WTAP: variants seen among roughly 807,000 people sequenced by gnomAD.
The protein encoded by WTAP is WT1 associated protein, also known as pre-mRNA-splicing regulator WTAP.
Under a neutral mutation model 50.0 loss-of-function variants are expected in WTAP, and 8 were observed. The ratio of observed to expected loss-of-function variants is 0.16; its 90% CI spans 0.09 to 0.29. WTAP has a LOEUF of 0.29. Among genes scored for constraint, WTAP ranks in the 10% least tolerant of loss-of-function variants. WTAP has a pLI of 1.00. For missense variants in WTAP, 295 were observed against 470.7 expected (o/e 0.63, Z 3.45); for synonymous variants, 194 against 169.0 (o/e 1.15, Z -1.15).
At chr6:159,733,061 G>T (rs1462059806) in intron 1 of WTAP, among the ~76,000 whole-genome samples, 2 of 152,040 alleles carry the variant, frequency 1.3e-5, no homozygotes, top group African/African-American at 4.8e-5. Flanking sequence ...TATGGTGATG[G>T]TTTCTGAGAT....
chr6:159,740,949 G>A (rs1017714017), intron 3 of WTAP, among the ~76,000 whole-genome samples: 6 of 151,938 alleles, frequency 3.9e-5, no homozygotes, highest in African/African-American at 1.2e-4. Flanking sequence ...TGATCTGCCC[G>A]CCTCGGCCTC....
At chr6:159,754,951 CTTTG>C in intron 7 of WTAP, 73 bp from the exon 8 acceptor site, 1 of 1,411,144 alleles carries the variant, frequency 7.1e-7, no homozygotes, top group Non-Finnish European at 9.4e-7. Context: ...GACTCCCTTG[CTTTG>C]TGGCAGGCAC....
chr6:159,748,132 C>A lies in WTAP; in HGVS notation c.274-59C>A. On this transcript the variant is annotated intron_variant, in intron 5 of 7. Transcript: ENST00000621533. This position sits in a 1 kb window ranked among gnomAD's most constrained non-coding sequence, Gnocchi z 5.6. The stretch of plus-strand genomic sequence containing the variant: ...TCAAGTGAATGGAGGGAGTTTTCCC[C>A]ACCTTCTTATGTATGTTTCCTTTGA... 1 of 1,532,344 alleles carries A rather than the reference C, an allele frequency of 6.5e-7. No individual in the cohort carries two copies. The highest frequency in any genetic ancestry group is 8.8e-7 in the Non-Finnish European group (1 of 1,131,364). The allele number at this position is 1,532,344 out of a possible 1,614,324, so 94.9% of individuals were successfully genotyped here. A position where few individuals can be genotyped will look rare whatever the true frequency, so the allele number is the denominator to read the frequency against.
intron 5 of WTAP, among the ~76,000 whole-genome samples, chr6:159,747,879 T>C (rs1583100974): frequency 9.7e-6 from 1 of 103,494 alleles, no homozygotes. Context: ...AATTCCTAAG[T>C]GAGTAACCTT....
At position 159,755,733 on chromosome 6, in the gene WTAP, GTTGT is replaced by G; in HGVS notation, c.*125_*128del. On this transcript the variant is annotated 3_prime_UTR_variant, in exon 8 of 8. Transcript: ENST00000621533. ...TGGGTGTACGTTTTGGTTTTTTTTT[GTTGT>G]TTTTTTTCTTTGTTTTTTTTTTCTT... 6 of 551,022 alleles carry G rather than the reference GTTGT, an allele frequency of 1.1e-5. No homozygotes were observed. The highest frequency in any genetic ancestry group is 1.1e-5 in the Non-Finnish European group (5 of 464,420). The allele number at this position is 551,022 out of a possible 1,614,324, so 34.1% of individuals were successfully genotyped here. A position where few individuals can be genotyped will look rare whatever the true frequency, so the allele number is the denominator to read the frequency against.
upstream of WTAP, chr6:159,726,798 C>A: frequency 7.8e-7 from 1 of 1,289,166 alleles, no homozygotes; most frequent in Non-Finnish European, 1.0e-6. Flanking sequence ...CAGGAGACTG[C>A]GCCTCACGAC....
At chr6:159,731,335 G>A (rs1441865826) in intron 1 of WTAP, among the ~76,000 whole-genome samples, 2 of 151,940 alleles carry the variant, frequency 1.3e-5, no homozygotes, top group African/African-American at 4.8e-5. Context: ...GGGCGTGGTG[G>A]TTCATGCCTG....
intron 5 of WTAP, among the ~76,000 whole-genome samples, chr6:159,746,528 T>C (rs528593394): frequency 6.6e-6 from 1 of 152,302 alleles, no homozygotes; most frequent in Admixed American, 6.5e-5. Context: ...ATTTGATCTT[T>C]TAATAATAAT....
chr6:159,737,634 A>G (rs1779002210), intron 2 of WTAP, among the ~76,000 whole-genome samples: 1 of 151,884 alleles, frequency 6.6e-6, no homozygotes, highest in South Asian at 2.1e-4. Context: ...CTCAGACTAC[A>G]GGTGTGCCAC....
In WTAP at chr6:159,748,503, A is replaced by G. The variant is rs972693243; in HGVS notation, c.452+134A>G. 6.8e-7 allele frequency: 1 copy of G among 1,473,868 alleles called. No individual in the cohort carries two copies. The highest frequency in any genetic ancestry group is 1.4e-5 in the African/African-American group (1 of 69,920). The allele number at this position is 1,473,868 out of a possible 1,614,324, so 91.3% of individuals were successfully genotyped here. A position where few individuals can be genotyped will look rare whatever the true frequency, so the allele number is the denominator to read the frequency against. On this transcript the variant is annotated intron_variant, in intron 6 of 7. Coordinates refer to ENST00000621533, the MANE Select transcript of WTAP (RefSeq NM_001270531.2). This position sits in a 1 kb window ranked among gnomAD's most constrained non-coding sequence, Gnocchi z 5.6. ...AGCCAAAAAAAAGCCACATTCTTAC[A>G]CTGTCCAGCTTGTAATGGTTAATGT...
chr6:159,727,356 A>G (rs1307183512), upstream of WTAP: 5 of 983,660 alleles, frequency 5.1e-6, no homozygotes, highest in Admixed American at 3.6e-5. Flanking sequence ...GAAGGCGAAC[A>G]TGGCGGAGCG....
At chr6:159,739,989 A>G (rs994275990) in intron 3 of WTAP, among the ~76,000 whole-genome samples, 2 of 151,860 alleles carry the variant, frequency 1.3e-5, no homozygotes, top group African/African-American at 2.4e-5. Context: ...CTACTACTCA[A>G]TGCTGGGTTT....
chr6:159,726,928 C>G (rs1387149960), upstream of WTAP: 1 of 1,288,634 alleles, frequency 7.8e-7, no homozygotes, highest in African/African-American at 1.5e-5. Context: ...CCTGGTCCTC[C>G]GACACGCGGA....
chr6:159,747,416 T>C (rs745813469), intron 5 of WTAP, among the ~76,000 whole-genome samples: 2 of 152,126 alleles, frequency 1.3e-5, no homozygotes, highest in African/African-American at 4.8e-5. Context: ...AAATAAGCAG[T>C]TTGGATTAGG....
intron 5 of WTAP, among the ~76,000 whole-genome samples, chr6:159,747,548 C>T (rs1779646189): frequency 6.6e-6 from 1 of 152,148 alleles, no homozygotes; most frequent in Non-Finnish European, 1.5e-5. Flanking sequence ...GCTGTAACAG[C>T]AACTCTTGTA....
chr6:159,745,338 T>C (rs1779513368), intron 5 of WTAP, among the ~76,000 whole-genome samples: 1 of 152,240 alleles, frequency 6.6e-6, no homozygotes, highest in South Asian at 2.1e-4. Context: ...TTGATCATAT[T>C]ACGCCTGGTC....
At chr6:159,746,661 T>C (rs1298530717) in intron 5 of WTAP, among the ~76,000 whole-genome samples, 1 of 152,242 alleles carries the variant, frequency 6.6e-6, no homozygotes, top group Non-Finnish European at 1.5e-5. Flanking sequence ...TACTGTATTC[T>C]TAACTATATT....
At chr6:159,736,735 C>T (rs1377725755) in intron 2 of WTAP, 1 of 153,422 alleles carries the variant, frequency 6.5e-6, no homozygotes, top group African/African-American at 2.4e-5. Context: ...AGCTAATTTT[C>T]AAATTCTACC....
intron 5 of WTAP, among the ~76,000 whole-genome samples, chr6:159,746,125 C>G (rs777422048): frequency 1.3e-5 from 2 of 152,104 alleles, no homozygotes; most frequent in Admixed American, 6.6e-5. Flanking sequence ...CTGTACAATA[C>G]GAATTTAAAA....
Sources: allele counts gnomAD v4.1 joint callset (sites outside exome capture counted in the v4.1 genomes callset), GRCh38; gene constraint gnomAD v4.1.1; non-coding constraint Gnocchi (gnomAD v3.1); transcripts MANE v1.5; gene names NCBI Gene and HGNC (gene_info 2026-07-23, HGNC 2026-07-21).